LRMDA: variants seen among roughly 807,000 people sequenced by gnomAD.
LRMDA encodes the protein leucine-rich melanocyte differentiation-associated protein.
LRMDA carries 18 observed loss-of-function variants against 29.8 expected under a neutral mutation model. The observed-to-expected ratio is 0.60, with a 90% confidence interval of 0.42 to 0.90. The LOEUF (loss-of-function observed/expected upper bound fraction) is 0.90, where lower values mean the gene tolerates loss of function less well. Ranked by LOEUF, LRMDA falls within the 40% of genes least tolerant of loss-of-function variation. The pLI is 0.00. For synonymous variants in LRMDA, 125 were observed against 109.4 expected, an observed-to-expected ratio of 1.14 and a Z score of -0.89; for missense variants, 273 against 273.9, an observed-to-expected ratio of 1.00 and a Z score of 0.02.
At chr10:76,408,229 C>T (rs759632390) in intron 6 of LRMDA, among the ~76,000 whole-genome samples, 1 of 152,096 alleles carries the variant, frequency 6.6e-6, no homozygotes, top group African/African-American at 2.4e-5. Flanking sequence ...AGGACACCAG[C>T]GCACAACTGT....
At chr10:75,855,205 T>C (rs1844804219) in intron 2 of LRMDA, among the ~76,000 whole-genome samples, 1 of 152,144 alleles carries the variant, frequency 6.6e-6, no homozygotes. Context: ...GTGTTCCTAT[T>C]TCTCCACATC....
chr10:76,063,341 A>G (rs116603029), intron 5 of LRMDA, among the ~76,000 whole-genome samples: 288 of 152,238 alleles, frequency 1.9e-3, no homozygotes, highest in African/African-American at 6.7e-3. Context: ...GTTTTTTCCC[A>G]TGCAGGTGTG....
intron 2 of LRMDA, among the ~76,000 whole-genome samples, chr10:75,872,937 T>C (rs1845138198): frequency 1.3e-5 from 2 of 152,176 alleles, no homozygotes; most frequent in Admixed American, 1.3e-4. Context: ...GGTTATGTCC[T>C]CATTGAATCC....
chr10:75,632,813 A>G (rs1181874338), intron 2 of LRMDA, among the ~76,000 whole-genome samples: 3 of 60,456 alleles, frequency 5.0e-5, no homozygotes, highest in African/African-American at 1.4e-4. Context: ...TTTTTTTGCC[A>G]AGAGTCTTTC....
intron 5 of LRMDA, among the ~76,000 whole-genome samples, chr10:76,251,956 T>C (rs891078209): frequency 6.6e-6 from 1 of 152,230 alleles, no homozygotes; most frequent in Non-Finnish European, 1.5e-5. Flanking sequence ...ACAGAGGAAC[T>C]GTTGCTGTGA....
At chr10:76,117,972 A>G (rs1849695285) in intron 5 of LRMDA, among the ~76,000 whole-genome samples, 1 of 152,204 alleles carries the variant, frequency 6.6e-6, no homozygotes, top group South Asian at 2.1e-4. Context: ...ATAAAACCTC[A>G]TCTTTTCCAA....
At chr10:76,059,603 A>G (rs2132055824) in intron 5 of LRMDA, among the ~76,000 whole-genome samples, 1 of 152,368 alleles carries the variant, frequency 6.6e-6, no homozygotes, top group East Asian at 1.9e-4. Context: ...GTCACCTCCC[A>G]TGAGATTGCA....
intron 2 of LRMDA, among the ~76,000 whole-genome samples, chr10:75,684,594 A>G (rs879615203): frequency 2.6e-5 from 4 of 152,230 alleles, no homozygotes; most frequent in Non-Finnish European, 4.4e-5. Context: ...GCAGTAGCTT[A>G]ATGAAGACTC....
chr10:76,147,175 C>G (rs1199728685), intron 5 of LRMDA, among the ~76,000 whole-genome samples: 1 of 152,036 alleles, frequency 6.6e-6, no homozygotes, highest in Non-Finnish European at 1.5e-5. Flanking sequence ...GGAGTTGCTC[C>G]TCTTGAGGAG....
chr10:76,068,058 C>T (rs1848813421), intron 5 of LRMDA, among the ~76,000 whole-genome samples: 1 of 152,214 alleles, frequency 6.6e-6, no homozygotes, highest in Non-Finnish European at 1.5e-5. Flanking sequence ...GAACATTGTT[C>T]TGAAGCTGCC....
chr10:76,441,321 C>T (rs981976509), intron 6 of LRMDA, among the ~76,000 whole-genome samples: 38 of 152,306 alleles, frequency 2.5e-4, no homozygotes, highest in African/African-American at 8.9e-4. Flanking sequence ...TGGGGTGACA[C>T]TAATAGTTGC....
chr10:76,441,404 C>T (rs1374083767), intron 6 of LRMDA, among the ~76,000 whole-genome samples: 1 of 152,190 alleles, frequency 6.6e-6, no homozygotes, highest in Admixed American at 6.5e-5. Flanking sequence ...TACTGACCTT[C>T]TATGTGCCAC....
intron 1 of LRMDA, among the ~76,000 whole-genome samples, chr10:75,437,379 T>C (rs1014921629): frequency 2.6e-5 from 4 of 152,128 alleles, no homozygotes; most frequent in African/African-American, 9.7e-5. Flanking sequence ...TGGAAGAATG[T>C]GATTTGTAGG....
At chr10:75,581,642 C>T (rs1211308330) in intron 2 of LRMDA, among the ~76,000 whole-genome samples, 1 of 152,100 alleles carries the variant, frequency 6.6e-6, no homozygotes, top group Non-Finnish European at 1.5e-5. Flanking sequence ...TTTGCAGGGA[C>T]ATGGATGAAG....
At chr10:75,744,011 A>G (rs1842862429) in intron 2 of LRMDA, among the ~76,000 whole-genome samples, 1 of 152,218 alleles carries the variant, frequency 6.6e-6, no homozygotes, top group African/African-American at 2.4e-5. Flanking sequence ...AAGTTGAACC[A>G]CTAGGGTGTT....
At chr10:75,762,759 G>A (rs1303508915) in intron 2 of LRMDA, among the ~76,000 whole-genome samples, 1 of 152,198 alleles carries the variant, frequency 6.6e-6, no homozygotes, top group African/African-American at 2.4e-5. Flanking sequence ...TGGCCTCATA[G>A]TAAGCCCTCG....
At chr10:75,586,369 TA>T (rs769301288) in intron 2 of LRMDA, among the ~76,000 whole-genome samples, 5,578 of 112,718 alleles carry the variant, frequency 0.049, 679 homozygotes, top group African/African-American at 0.079. Flanking sequence ...TTTTTTTTTT[TA>T]AATTAGAGAC....
intron 2 of LRMDA, among the ~76,000 whole-genome samples, chr10:75,928,275 T>G (rs1846153372): frequency 1.7e-5 from 1 of 58,026 alleles, no homozygotes; most frequent in Non-Finnish European, 3.0e-5. Flanking sequence ...GATTATTATT[T>G]TTTAGTTTTG....
intron 6 of LRMDA, among the ~76,000 whole-genome samples, chr10:76,470,671 T>C (rs1589201754): frequency 6.6e-6 from 1 of 152,106 alleles, no homozygotes; most frequent in East Asian, 1.9e-4. Context: ...ATCCACTTAA[T>C]TGAGGTATCT....
Sources: gnomAD v4.1 joint callset for allele counts (sites outside exome capture counted in the v4.1 genomes callset) on GRCh38, gnomAD v4.1.1 for gene constraint, MANE v1.5 for transcripts, NCBI Gene and HGNC (gene_info 2026-07-23, HGNC 2026-07-21) for gene names.